Variants in ALG14 observed in about 807,000 individuals in gnomAD.
ALG14 encodes ALG14 UDP-N-acetylglucosaminyltransferase subunit.
A neutral mutation model predicts 22.8 loss-of-function variants in ALG14; 17 were observed. That is an observed-to-expected ratio of 0.75 (90% CI 0.51 to 1.12). The LOEUF is 1.12. ALG14 is among the 50% of genes most tolerant of loss of function. ALG14 has a pLI of 0.00. For missense variants in ALG14, 288 were observed against 271.8 expected, an observed-to-expected ratio of 1.06 and a Z score of -0.42; for synonymous variants, 89 against 103.7, an observed-to-expected ratio of 0.86 and a Z score of 0.86.
At chr1:94,988,019 G>GCTGTGTA in intron 3 of ALG14, among the ~76,000 whole-genome samples, 1 of 152,306 alleles carries the variant, frequency 6.6e-6, no homozygotes, top group South Asian at 2.1e-4. Flanking sequence ...CACAGCTGCA[G>GCTGTGTA]GGAAAGCTTT....
At chr1:94,993,606 A>G (rs1051269664) in intron 3 of ALG14, among the ~76,000 whole-genome samples, 6 of 152,094 alleles carry the variant, frequency 3.9e-5, no homozygotes, top group Non-Finnish European at 7.4e-5. Flanking sequence ...CCTGTAGTAT[A>G]CTTCTCAGAC....
At chr1:94,983,829 C>T (rs1470832762) in intron 3 of ALG14, among the ~76,000 whole-genome samples, 1 of 151,632 alleles carries the variant, frequency 6.6e-6, no homozygotes, top group Non-Finnish European at 1.5e-5. Context: ...GCAACCTCTG[C>T]CTCCCGGGTT....
chr1:95,067,752 C>T (rs973166765), intron 1 of ALG14, among the ~76,000 whole-genome samples: 12 of 152,166 alleles, frequency 7.9e-5, no homozygotes, highest in Admixed American at 1.3e-4. Flanking sequence ...TTCAGTCTAT[C>T]GCAACATAAC....
chr1:95,067,623 T>C (rs1223143602), intron 1 of ALG14: 1 of 152,166 alleles, frequency 6.6e-6, no homozygotes, highest in Admixed American at 6.5e-5. Flanking sequence ...TACCTTAAAA[T>C]ACATCCAGCA....
chr1:95,021,584 T>C (rs975500363), intron 3 of ALG14, among the ~76,000 whole-genome samples: 6 of 152,164 alleles, frequency 3.9e-5, no homozygotes, highest in Non-Finnish European at 8.8e-5. Flanking sequence ...TCAAGTGCTA[T>C]ACAAATAGAG....
intron 3 of ALG14, among the ~76,000 whole-genome samples, chr1:95,005,901 G>A (rs1305723802): frequency 3.3e-5 from 5 of 152,138 alleles, no homozygotes; most frequent in Admixed American, 6.6e-5. Flanking sequence ...GGACATCTAC[G>A]TAGTGAAAAT....
chr1:95,027,089 G>A (rs779019610), intron 3 of ALG14, 40 bp downstream of exon 3: 1 of 1,608,722 alleles, frequency 6.2e-7, no homozygotes, highest in Non-Finnish European at 8.5e-7. Flanking sequence ...AAGATCTACA[G>A]GGAGTTACTT....
At chr1:94,999,343 ATTT>A (rs548389921) in intron 3 of ALG14, among the ~76,000 whole-genome samples, 4 of 108,756 alleles carry the variant, frequency 3.7e-5, no homozygotes, top group South Asian at 3.1e-4. Flanking sequence ...CAGTAGACCC[ATTT>A]TTTTTTTTTT....
intron 3 of ALG14, among the ~76,000 whole-genome samples, chr1:94,999,734 C>T (rs1424060126): frequency 7.2e-5 from 11 of 152,180 alleles, no homozygotes; most frequent in African/African-American, 2.2e-4. Context: ...GGGAAAGGAC[C>T]TCTGGCAGCA....
At chr1:95,020,123 A>G (rs2391389) in intron 3 of ALG14, among the ~76,000 whole-genome samples, 74,225 of 151,720 alleles carry the variant, frequency 0.49, 18,732 homozygotes, top group East Asian at 0.82. Flanking sequence ...AGGCTGAGGC[A>G]GGAGAATCGC....
chr1:95,072,687 A>G (rs530745046), intron 1 of ALG14, 76 bp downstream of exon 1: 1 of 1,571,274 alleles, frequency 6.4e-7, no homozygotes, highest in Non-Finnish European at 8.7e-7. Context: ...TAAGGGTACC[A>G]GGGAAGAGCG....
In ALG14 at chr1:94,982,958, T is replaced by C; in HGVS notation, c.*118A>G. 1 of 765,534 alleles carries C rather than the reference T, an allele frequency of 1.3e-6. No homozygotes were observed. Among genetic ancestry groups the C allele is most frequent in the Non-Finnish European group, 2.1e-6 (1 of 466,722 alleles). 47.4% of individuals were successfully genotyped at this position (765,534 alleles called of 1,614,324 possible). A position where few individuals can be genotyped will look rare whatever the true frequency, so the allele number is the denominator to read the frequency against. On this transcript the variant is annotated 3_prime_UTR_variant, in exon 4 of 4. Transcript: ENST00000370205. ...TCTGTACATTTTTTATTCCTTACCATCAATAATTCTCAGGACTGTCAGACG... is the reference window on the plus strand; with the variant it reads ...TCTGTACATTTTTTATTCCTTACCACCAATAATTCTCAGGACTGTCAGACG...
chr1:95,027,448 AC>A (rs1226712947), intron 2 of ALG14, among the ~76,000 whole-genome samples, 188 bp from the exon 3 acceptor site: 1 of 152,246 alleles, frequency 6.6e-6, no homozygotes, highest in Non-Finnish European at 1.5e-5. Flanking sequence ...ATCACATATG[AC>A]AAAAAAGTTC....
intron 3 of ALG14, among the ~76,000 whole-genome samples, chr1:95,017,851 T>G (rs897871102): frequency 6.6e-5 from 10 of 152,182 alleles, no homozygotes; most frequent in Non-Finnish European, 1.0e-4. Flanking sequence ...GCACTGGAGC[T>G]CCAAGGATCA....
chr1:95,031,249 C>T (rs1168222169), intron 2 of ALG14, among the ~76,000 whole-genome samples: 2 of 152,132 alleles, frequency 1.3e-5, no homozygotes, highest in East Asian at 3.8e-4. Context: ...CAATGAGGAG[C>T]CTCTTCCAAG....
intron 3 of ALG14, among the ~76,000 whole-genome samples, chr1:95,013,272 T>G (rs1209290878): frequency 2.0e-5 from 3 of 152,126 alleles, no homozygotes; most frequent in Admixed American, 6.5e-5. Flanking sequence ...AGCTATTGTT[T>G]ATTCACTTAT....
intron 3 of ALG14, among the ~76,000 whole-genome samples, chr1:95,017,823 T>C (rs1287910326): frequency 6.6e-6 from 1 of 152,174 alleles, no homozygotes; most frequent in Admixed American, 6.5e-5. Flanking sequence ...AGATCTACAA[T>C]ATCTAAAATC....
intron 2 of ALG14, among the ~76,000 whole-genome samples, chr1:95,053,902 A>G (rs1674838978): frequency 6.6e-6 from 1 of 152,248 alleles, no homozygotes. Flanking sequence ...ATACTAGGCT[A>G]CAAAGTAAGT....
intron 3 of ALG14, among the ~76,000 whole-genome samples, chr1:95,025,860 C>T (rs1328750804): frequency 6.6e-6 from 1 of 152,220 alleles, no homozygotes; most frequent in African/African-American, 2.4e-5. Flanking sequence ...TCTATCCAGA[C>T]CACTCAAACT....
Sources: allele counts gnomAD v4.1 joint callset (sites outside exome capture counted in the v4.1 genomes callset), GRCh38; gene constraint gnomAD v4.1.1; transcripts MANE v1.5; gene names NCBI Gene and HGNC (gene_info 2026-07-23, HGNC 2026-07-21).